The following ZNF407 variants were observed in gnomAD, a reference collection of about 807,000 sequenced individuals.
The protein encoded by ZNF407 is zinc finger protein 407.
ZNF407 carries 17 observed loss-of-function variants against 131.2 expected under a neutral mutation model. The observed-to-expected ratio is 0.13, with a 90% CI of 0.09 to 0.19. ZNF407 has a LOEUF of 0.19. Among genes scored for constraint, ZNF407 ranks in the 10% least tolerant of loss-of-function variants. ZNF407 has a pLI of 1.00. For missense variants in ZNF407, 2,681 were observed against 2,830.6 expected (o/e 0.95, Z 1.20); for synonymous variants, 1,156 against 1,062.0 (o/e 1.09, Z -1.72).
intron 3 of ZNF407, among the ~76,000 whole-genome samples, chr18:74,761,543 G>A (rs1031084511): frequency 6.6e-6 from 1 of 152,026 alleles, no homozygotes; most frequent in Admixed American, 6.6e-5. Context: ...GTTAGAACTT[G>A]CTAATAATAT....
intron 8 of ZNF407, among the ~76,000 whole-genome samples, chr18:75,055,098 G>C (rs1973547172): frequency 6.6e-6 from 1 of 152,156 alleles, no homozygotes; most frequent in African/African-American, 2.4e-5. Flanking sequence ...ACCCTATGTT[G>C]ATACTGCATG....
Position 74,632,515 on chromosome 18 carries a change from C to T in ZNF407, c.1496C>T (p.Ala499Val). 2 of 1,614,012 alleles carry T rather than the reference C, an allele frequency of 1.2e-6. No individual in the cohort carries two copies. Among genetic ancestry groups the T allele is most frequent in the Non-Finnish European group, 8.5e-7 (1 of 1,179,908 alleles). Residue 499 changes from alanine (A) to valine (V), a missense_variant, in exon 2 of 9, where the codon GCA becomes GTA. Ala to Val is a moderately conservative substitution (Grantham distance 64, BLOSUM62 0). Coordinates refer to ENST00000299687, the MANE Select transcript of ZNF407 (RefSeq NM_017757.3). ...GTGACTACCTCAGAAACCCAGGAGG[C>T]AGAGCAGGGCCAGGGGAGTGCCCGT... The part of the protein sequence containing the change: ...VCVTTSETQE[A>V]EQGQGSARPP...
chr18:74,811,041 A>C (rs1030033126), intron 4 of ZNF407, among the ~76,000 whole-genome samples: 2 of 152,188 alleles, frequency 1.3e-5, no homozygotes, highest in Non-Finnish European at 2.9e-5. Context: ...AATTAAACTA[A>C]AGAGCTTCTG....
chr18:74,642,941 G>A (rs1287759668), intron 3 of ZNF407, among the ~76,000 whole-genome samples: 1 of 152,036 alleles, frequency 6.6e-6, no homozygotes, highest in Non-Finnish European at 1.5e-5. Context: ...TAAAAGTTAG[G>A]TAGCAATAAT....
At chr18:74,736,672 C>CT (rs1442391768) in intron 3 of ZNF407, among the ~76,000 whole-genome samples, 5 of 152,074 alleles carry the variant, frequency 3.3e-5, no homozygotes, top group Non-Finnish European at 5.9e-5. Flanking sequence ...CCCAGGATGC[C>CT]TTTGTCAGTT....
intron 6 of ZNF407, among the ~76,000 whole-genome samples, chr18:74,885,458 A>G (rs903670861): frequency 2.6e-5 from 4 of 152,136 alleles, no homozygotes; most frequent in African/African-American, 9.7e-5. Context: ...CCATCAGGCT[A>G]TTTTTCTTAA....
intron 4 of ZNF407, among the ~76,000 whole-genome samples, chr18:74,863,377 T>G (rs1449248138): frequency 6.6e-6 from 1 of 151,928 alleles, no homozygotes; most frequent in African/African-American, 2.4e-5. Context: ...TATTAGAAAT[T>G]TGGGGAGATA....
chr18:74,692,324 T>C (rs1258863832), intron 3 of ZNF407, among the ~76,000 whole-genome samples: 1 of 152,068 alleles, frequency 6.6e-6, no homozygotes, highest in Non-Finnish European at 1.5e-5. Flanking sequence ...TTTTATCCTT[T>C]CATCAGTGCA....
At chr18:74,866,471 A>G (rs1971011992) in intron 4 of ZNF407, among the ~76,000 whole-genome samples, 3 of 152,154 alleles carry the variant, frequency 2.0e-5, no homozygotes. Context: ...TGCCCTTCCT[A>G]ACTGCAGCAA....
At chr18:74,647,099 G>GCTT (rs531598691) in intron 3 of ZNF407, among the ~76,000 whole-genome samples, 3 of 151,898 alleles carry the variant, frequency 2.0e-5, no homozygotes, top group South Asian at 2.1e-4. Flanking sequence ...TTAACTCGTT[G>GCTT]CTTCTTCTTC....
chr18:75,005,481 T>C (rs1972897621), intron 8 of ZNF407, among the ~76,000 whole-genome samples: 1 of 152,106 alleles, frequency 6.6e-6, no homozygotes, highest in South Asian at 2.1e-4. Context: ...TTGAGAGATT[T>C]ACAAATATAT....
intron 8 of ZNF407, among the ~76,000 whole-genome samples, chr18:75,054,042 C>A (rs964059785): frequency 6.6e-6 from 1 of 152,268 alleles, no homozygotes; most frequent in African/African-American, 2.4e-5. Context: ...CCCGGGCCTT[C>A]CCGAGTTGCT....
chr18:74,731,906 G>A (rs911987416), intron 3 of ZNF407, among the ~76,000 whole-genome samples: 5 of 151,962 alleles, frequency 3.3e-5, no homozygotes, highest in Non-Finnish European at 5.9e-5. Flanking sequence ...GGAGATCACC[G>A]TGGTAGTATA....
intron 3 of ZNF407, among the ~76,000 whole-genome samples, chr18:74,711,142 C>A (rs941046188): frequency 3.3e-5 from 5 of 152,142 alleles, no homozygotes; most frequent in Admixed American, 3.3e-4. Flanking sequence ...GGCTATTAAG[C>A]TTCAAAATAA....
At chr18:74,853,542 C>G (rs770758961) in intron 4 of ZNF407, among the ~76,000 whole-genome samples, 2 of 152,130 alleles carry the variant, frequency 1.3e-5, no homozygotes, top group South Asian at 2.1e-4. Flanking sequence ...AATAGTTATT[C>G]TTTTTCATAA....
Position 74,634,735 on chromosome 18 carries a change from A to G in ZNF407, c.3716A>G (p.Asp1239Gly), listed in dbSNP as rs1166576284. Residue 1239 changes from aspartate (D) to glycine (G), a missense_variant, in exon 2 of 9, where the codon GAC (aspartate) becomes GGC (glycine). Transcript: ENST00000299687. ...GAGGGTGAAGGAGGAAACGCAGGAG[A>G]CGGTGGAGGTGTTGTCCCCCACAGA... ...HCEGEGGNAG[D>G]GGGVVPHRHL... The G allele has an allele frequency of 2.5e-6, 4 of 1,614,034 alleles. No homozygotes were observed. In the South Asian group the frequency reaches 4.4e-5, roughly 18 times the overall value.
In ZNF407 at chr18:74,634,076, T is replaced by G. The variant is rs757860243; in HGVS notation, c.3057T>G (p.Cys1019Trp). Residue 1019 changes from cysteine (C) to tryptophan (W), a missense_variant, in exon 2 of 9, where the codon TGT becomes TGG. Physicochemically the swap from Cys to Trp is radical, Grantham distance 215. Coordinates refer to ENST00000299687, the MANE Select transcript of ZNF407 (RefSeq NM_017757.3). Reference protein sequence around the residue: ...RDVTGTGENKCLHCEFSAHSS... With the variant: ...RDVTGTGENKWLHCEFSAHSS... ...TTACAGGCACAGGTGAGAATAAGTG[T>G]TTGCACTGTGAGTTTAGTGCTCACT... The G allele has an allele frequency of 2.5e-6, 4 of 1,613,902 alleles. No homozygotes were observed. The African/African-American group carries it at 5.3e-5, about 22-fold the overall frequency.
At chr18:74,811,554 T>G (rs1232302444) in intron 4 of ZNF407, among the ~76,000 whole-genome samples, 4 of 152,154 alleles carry the variant, frequency 2.6e-5, no homozygotes, top group South Asian at 2.1e-4. Context: ...AAATCATGCT[T>G]CTATAAAGAC....
At chr18:74,834,700 A>G (rs1342183862) in intron 4 of ZNF407, among the ~76,000 whole-genome samples, 1 of 152,200 alleles carries the variant, frequency 6.6e-6, no homozygotes, top group Non-Finnish European at 1.5e-5. Flanking sequence ...TCCTTCCCGC[A>G]GGCTGAGCAC....
Sources: gnomAD v4.1 joint callset for allele counts (sites outside exome capture counted in the v4.1 genomes callset) on GRCh38, gnomAD v4.1.1 for gene constraint, MANE v1.5 for transcripts, NCBI Gene and HGNC (gene_info 2026-07-23, HGNC 2026-07-21) for gene names.